VPS39: variants seen among roughly 807,000 people sequenced by gnomAD.
VPS39 encodes vam6/Vps39-like protein.
VPS39 carries 70 observed loss-of-function variants against 121.0 expected under a neutral mutation model. The observed-to-expected ratio is 0.58, with a 90% CI of 0.48 to 0.71. The LOEUF is 0.71. Among genes scored for constraint, VPS39 ranks in the 30% least tolerant of loss-of-function variants. The pLI, the probability that VPS39 is intolerant of heterozygous loss-of-function variation, is 0.00. For synonymous variants in VPS39, 378 were observed against 398.1 expected, an observed-to-expected ratio of 0.95 and a Z score of 0.60; for missense variants, 818 against 1,051.5, an observed-to-expected ratio of 0.78 and a Z score of 3.07.
intron 7 of VPS39, among the ~76,000 whole-genome samples, chr15:42,186,542 G>A (rs776802856): frequency 6.6e-6 from 1 of 152,328 alleles, no homozygotes; most frequent in East Asian, 1.9e-4. Flanking sequence ...GAAGCTAAGA[G>A]ATTTAGATTA....
intron 12 of VPS39, 74 bp from the exon 13 acceptor site, chr15:42,167,611 G>A: frequency 2.6e-6 from 4 of 1,564,250 alleles, no homozygotes; most frequent in Non-Finnish European, 3.5e-6. Context: ...GGGTAATTCT[G>A]AATACCTCCA....
chr15:42,178,676 TC>T, intron 8 of VPS39, 106 bp from the exon 9 acceptor site: 1 of 1,479,168 alleles, frequency 6.8e-7, no homozygotes. Context: ...CTCCAAAAAG[TC>T]CCCTAGTCAA....
chr15:42,206,084 G>T (rs2050165226), intron 1 of VPS39, among the ~76,000 whole-genome samples: 1 of 152,162 alleles, frequency 6.6e-6, no homozygotes, highest in Admixed American at 6.5e-5. Flanking sequence ...TGCTGAAAAG[G>T]CAGCAGGATT....
Position 42,189,794 on chromosome 15 carries a change from CTTTTTT to C in VPS39, c.248-592_248-587del, listed in dbSNP as rs34353468. Among the ~76,000 whole-genome samples, 6 of 34,026 alleles carry C rather than the reference CTTTTTT, an allele frequency of 1.8e-4. No homozygotes were observed. The East Asian group carries it at 5.5e-3, about 31-fold the overall frequency. 22.3% of individuals were successfully genotyped at this position (34,026 alleles called of 152,430 possible). On this transcript the variant is annotated intron_variant, in intron 4 of 24. Coordinates refer to ENST00000318006, the MANE Select transcript of VPS39 (RefSeq NM_015289.5). ...AGAGATCTTTCACTTCCAAAACACTCTTTTTTTTTTTTTTTTTTTTTTTTTTGAGGC... is the reference window on the plus strand; with the variant it reads ...AGAGATCTTTCACTTCCAAAACACTCTTTTTTTTTTTTTTTTTTTTGAGGC...
intron 2 of VPS39, chr15:42,199,653 AC>A (rs2050023495): frequency 5.9e-6 from 3 of 509,460 alleles, no homozygotes; most frequent in Non-Finnish European, 7.1e-6. Context: ...GAGACTCACT[AC>A]CAGTAATAAG....
chr15:42,194,852 T>C (rs2049902779), intron 2 of VPS39, among the ~76,000 whole-genome samples: 1 of 151,646 alleles, frequency 6.6e-6, no homozygotes, highest in Non-Finnish European at 1.5e-5. Flanking sequence ...TGAAGTTAGG[T>C]ACTACTGTTC....
chr15:42,178,204 G>C lies in VPS39; in HGVS notation c.960+14C>G. 6.2e-7 allele frequency: 1 copy of C among 1,614,056 alleles called. No homozygotes were observed. Among genetic ancestry groups the C allele is most frequent in the Non-Finnish European group, 8.5e-7 (1 of 1,179,998 alleles). On this transcript the variant is annotated intron_variant, in intron 10 of 24. Transcript: ENST00000318006. ...AACAATAAGGAAGGAAGACTAGTCAGGAACAAGACTTACTGCGAGCTGCAG... is the reference window on the plus strand; with the variant it reads ...AACAATAAGGAAGGAAGACTAGTCACGAACAAGACTTACTGCGAGCTGCAG...
At chr15:42,184,419 T>A in intron 8 of VPS39, 98 bp downstream of exon 8, 1 of 1,317,236 alleles carries the variant, frequency 7.6e-7, no homozygotes, top group Admixed American at 2.5e-5. Flanking sequence ...TGACACAACG[T>A]AAACCAGTCT....
chr15:42,204,923 C>G (rs1310694361), intron 1 of VPS39, among the ~76,000 whole-genome samples: 1 of 152,060 alleles, frequency 6.6e-6, no homozygotes, highest in Admixed American at 6.6e-5. Flanking sequence ...TTTTTACAGG[C>G]TTTGAATATA....
At chr15:42,185,218 G>A (rs374598597) in intron 7 of VPS39, among the ~76,000 whole-genome samples, 12 of 143,094 alleles carry the variant, frequency 8.4e-5, no homozygotes, top group East Asian at 8.1e-4. Context: ...TTGCTCTGTC[G>A]CCCAGGCTGG....
rs145938233 is a variant in VPS39 at position 42,159,223 on chromosome 15, C to G, written c.*1531G>C. On this transcript the variant is annotated 3_prime_UTR_variant, in exon 25 of 25. Transcript: ENST00000318006. ...CACTCACTGTCTCTTCAGGCCCCCA[C>G]GGACGGCATGCCTGGGGAAGCCTAG... The G allele has an allele frequency of 1.3e-5, 2 of 152,284 alleles. No individual in the cohort carries two copies. Among genetic ancestry groups the G allele is most frequent in the African/African-American group, 4.8e-5 (2 of 41,452 alleles). The allele number at this position is 152,284 out of a possible 1,614,324, so 9.4% of individuals were successfully genotyped here.
intron 18 of VPS39, chr15:42,164,731 T>C: frequency 7.0e-7 from 1 of 1,430,396 alleles, no homozygotes; most frequent in Non-Finnish European, 9.1e-7. Flanking sequence ...CTTATCAGTA[T>C]AGCTGTCATC....
intron 3 of VPS39, 107 bp from the exon 4 acceptor site, chr15:42,191,274 C>T (rs1218360705): frequency 1.5e-6 from 2 of 1,345,278 alleles, no homozygotes; most frequent in African/African-American, 1.5e-5. Context: ...TATCCAGTTA[C>T]AGGGATCTCA....
At chr15:42,188,206 T>C (rs2140874124) in intron 5 of VPS39, among the ~76,000 whole-genome samples, 1 of 152,326 alleles carries the variant, frequency 6.6e-6, no homozygotes, top group South Asian at 2.1e-4. Flanking sequence ...CAATGCATGC[T>C]GGGTTAAGGG....
At position 42,164,986 on chromosome 15, in the gene VPS39, G is replaced by T. The variant is rs375212936; in HGVS notation, c.1897+10C>A. 3 of 1,614,038 alleles carry T rather than the reference G, an allele frequency of 1.9e-6. No homozygotes were observed. In the African/African-American group the frequency reaches 4.0e-5, roughly 22 times the overall value. On this transcript the variant is annotated intron_variant, in intron 18 of 24. Transcript: ENST00000318006. ...CCTGGGGCCAACCGGCTTCCTAAAA[G>T]AACTGGTACCTGCAGGGAAGGACAG...
chr15:42,166,269 C>T (rs1339379152), intron 15 of VPS39, 37 bp from the exon 16 acceptor site: 3 of 1,598,238 alleles, frequency 1.9e-6, no homozygotes, highest in Non-Finnish European at 2.6e-6. Context: ...CAGTTGAGGC[C>T]CATCTTGCCT....
chr15:42,191,779 C>T (rs148234318), intron 2 of VPS39, among the ~76,000 whole-genome samples: 1 of 152,194 alleles, frequency 6.6e-6, no homozygotes, highest in African/African-American at 2.4e-5. Context: ...CTTCACTCGG[C>T]ATCAGCAGAA....
rs190345346 is a variant in VPS39, at chr15:42,206,442, A to G, written c.73+1639T>C. On this transcript the variant is annotated intron_variant, in intron 1 of 24. Transcript: ENST00000318006. ...TTCGGTGGGTGATCAAGGAAGGCCA[A>G]AAGCTACCTATTGTTTCAAAACTGT... Among the ~76,000 whole-genome samples the G allele has an allele frequency of 2.6e-5, 4 of 152,372 alleles. No homozygotes were observed. In the East Asian group the frequency reaches 7.7e-4, roughly 29 times the overall value.
intron 10 of VPS39, among the ~76,000 whole-genome samples, chr15:42,175,043 T>C (rs922435061): frequency 6.6e-6 from 1 of 152,136 alleles, no homozygotes; most frequent in African/African-American, 2.4e-5. Flanking sequence ...GAGGAGCATG[T>C]ACTCCCCAGC....
Sources: allele counts gnomAD v4.1 joint callset (sites outside exome capture counted in the v4.1 genomes callset), GRCh38; gene constraint gnomAD v4.1.1; transcripts MANE v1.5; gene names NCBI Gene and HGNC (gene_info 2026-07-23, HGNC 2026-07-21).